FRMD4B: variants seen among roughly 807,000 people sequenced by gnomAD.
FRMD4B encodes the protein FERM domain-containing protein 4B.
A neutral mutation model predicts 141.5 loss-of-function variants in FRMD4B; 74 were observed. The observed-to-expected ratio is 0.52, with a 90% CI of 0.43 to 0.63. The LOEUF is 0.63. Among genes scored for constraint, FRMD4B ranks in the 30% least tolerant of loss-of-function variants. The pLI is 0.00. For synonymous variants in FRMD4B, 506 were observed against 467.9 expected, an observed-to-expected ratio of 1.08 and a Z score of -1.05; for missense variants, 1,366 against 1,253.4, an observed-to-expected ratio of 1.09 and a Z score of -1.36.
At chr3:69,488,553 C>A (rs564935148) in intron 1 of FRMD4B, among the ~76,000 whole-genome samples, 1 of 152,164 alleles carries the variant, frequency 6.6e-6, no homozygotes, top group South Asian at 2.1e-4. Flanking sequence ...TAAAATGGGA[C>A]CCCTACTTCA....
chr3:69,203,531 C>T (rs2092993466), intron 11 of FRMD4B, among the ~76,000 whole-genome samples: 2 of 149,520 alleles, frequency 1.3e-5, no homozygotes, highest in Admixed American at 1.3e-4. Flanking sequence ...ATGGACAGAG[C>T]CCTTCCATTG....
chr3:69,494,451 C>T (rs917656071), intron 1 of FRMD4B, among the ~76,000 whole-genome samples: 4 of 152,160 alleles, frequency 2.6e-5, no homozygotes, highest in African/African-American at 9.7e-5. Context: ...ATAGAGAATC[C>T]AGAAAGGGTC....
intron 1 of FRMD4B, among the ~76,000 whole-genome samples, chr3:69,365,650 T>C (rs79452385): frequency 1.3e-5 from 2 of 151,740 alleles, no homozygotes; most frequent in Non-Finnish European, 2.9e-5. Flanking sequence ...ACATGCGCAC[T>C]TCACCACGCC....
chr3:69,464,063 C>T (rs375254109), intron 1 of FRMD4B, among the ~76,000 whole-genome samples: 1 of 152,208 alleles, frequency 6.6e-6, no homozygotes, highest in Non-Finnish European at 1.5e-5. Context: ...TTACTTAACT[C>T]GTACCCATTC....
chr3:69,517,827 C>T (rs1175257901), intron 1 of FRMD4B, among the ~76,000 whole-genome samples: 2 of 152,182 alleles, frequency 1.3e-5, no homozygotes, highest in African/African-American at 4.8e-5. Context: ...ATTCCTGCTG[C>T]ACATGGTATA....
intron 1 of FRMD4B, among the ~76,000 whole-genome samples, chr3:69,318,205 G>C (rs1278161195): frequency 1.3e-5 from 2 of 152,016 alleles, no homozygotes; most frequent in Non-Finnish European, 2.9e-5. Context: ...GATCTCCTGG[G>C]CTCAAGCAAC....
chr3:69,459,506 T>C (rs1337597363), intron 1 of FRMD4B, among the ~76,000 whole-genome samples: 1 of 152,204 alleles, frequency 6.6e-6, no homozygotes, highest in African/African-American at 2.4e-5. Flanking sequence ...GCTACCCACT[T>C]GTGAAAGATA....
At chr3:69,304,809 G>T (rs867004625) in intron 3 of FRMD4B, among the ~76,000 whole-genome samples, 1 of 152,110 alleles carries the variant, frequency 6.6e-6, no homozygotes, top group Non-Finnish European at 1.5e-5. Context: ...TGCTGATGGT[G>T]GTGGGATAGC....
chr3:69,200,349 A>C (rs2092953523), intron 11 of FRMD4B: 6 of 827,238 alleles, frequency 7.3e-6, no homozygotes, highest in Non-Finnish European at 8.8e-6. Flanking sequence ...AGAAGAATTA[A>C]TAAAAGTATA....
intron 1 of FRMD4B, among the ~76,000 whole-genome samples, chr3:69,451,585 G>A (rs1009564878): frequency 4.6e-5 from 7 of 152,172 alleles, no homozygotes; most frequent in African/African-American, 1.7e-4. Context: ...ACCCACAAGT[G>A]CAGAGACAGA....
At chr3:69,478,221 T>G (rs1371971775) in intron 1 of FRMD4B, among the ~76,000 whole-genome samples, 1 of 152,084 alleles carries the variant, frequency 6.6e-6, no homozygotes, top group Admixed American at 6.5e-5. Flanking sequence ...CTGCTCTGAT[T>G]TTAGTTATTT....
intron 1 of FRMD4B, among the ~76,000 whole-genome samples, chr3:69,330,852 G>C (rs1435928747): frequency 6.6e-6 from 1 of 152,144 alleles, no homozygotes; most frequent in Non-Finnish European, 1.5e-5. Context: ...TATCTTTCTG[G>C]AATCTTTTCC....
chr3:69,515,001 G>T (rs79020391), intron 1 of FRMD4B, among the ~76,000 whole-genome samples: 2,771 of 152,174 alleles, frequency 0.018, 78 homozygotes, highest in East Asian at 0.12. Flanking sequence ...ATGTGGTACT[G>T]GCATAAAGAC....
At chr3:69,418,586 T>A (rs369003524) in intron 2 of FRMD4B, among the ~76,000 whole-genome samples, 22 of 152,198 alleles carry the variant, frequency 1.4e-4, no homozygotes, top group African/African-American at 9.7e-5. Flanking sequence ...TTCCATGTTG[T>A]TGGCATGTTG....
intron 2 of FRMD4B, among the ~76,000 whole-genome samples, chr3:69,402,244 T>C (rs1036642489): frequency 6.6e-6 from 1 of 152,194 alleles, no homozygotes; most frequent in African/African-American, 2.4e-5. Context: ...GGATATCTAC[T>C]GAGGGGGCTT....
rs190429069 is a variant in FRMD4B, at chr3:69,393,075, C to G, written c.-1+39559G>C. On this transcript the variant is annotated intron_variant, in intron 2 of 5. Coordinates refer to the FRMD4B transcript ENST00000459638. ...CAGGCTGCTTAACTCTCTGCAGCTG[C>G]CTTCATGACTATGAATGGCTTTTTG... 3.7e-4 allele frequency among the ~76,000 whole-genome samples: 57 copies of G among 152,190 alleles called. 2 individuals carry two copies. In the South Asian group the frequency reaches 1.0e-2, roughly 27 times the overall value.
In FRMD4B at chr3:69,172,716, C is replaced by T. The variant is rs1034907513; in HGVS notation, c.2985-735G>A. Among the ~76,000 whole-genome samples, 15 of 152,282 alleles carry T rather than the reference C, an allele frequency of 9.9e-5. No individual in the cohort carries two copies. In the East Asian group the frequency reaches 1.5e-3, roughly 16 times the overall value. On this transcript the variant is annotated intron_variant, in intron 22 of 22. Coordinates refer to ENST00000398540, the MANE Select transcript of FRMD4B (RefSeq NM_015123.3). ...AGGACACAGCATCACATTTAAAAATCATACGCATATTTAGATGGCAATTCC... is the reference window on the plus strand; with the variant it reads ...AGGACACAGCATCACATTTAAAAATTATACGCATATTTAGATGGCAATTCC...
At chr3:69,223,282 G>A (rs985277540) in intron 8 of FRMD4B, among the ~76,000 whole-genome samples, 1 of 152,058 alleles carries the variant, frequency 6.6e-6, no homozygotes, top group African/African-American at 2.4e-5. Context: ...TTGGGAGGCC[G>A]AGGCAGGCGG....
intron 7 of FRMD4B, among the ~76,000 whole-genome samples, chr3:69,226,337 C>T (rs1186215848): frequency 6.6e-6 from 1 of 151,874 alleles, no homozygotes; most frequent in Non-Finnish European, 1.5e-5. Flanking sequence ...CAATCCAATT[C>T]ATTCATATTA....
Sources: allele counts gnomAD v4.1 joint callset (sites outside exome capture counted in the v4.1 genomes callset), GRCh38; gene constraint gnomAD v4.1.1; transcripts MANE v1.5; gene names NCBI Gene and HGNC (gene_info 2026-07-23, HGNC 2026-07-21).